Variants in PPP4R3A observed in about 807,000 individuals in gnomAD.
PPP4R3A encodes the protein serine/threonine-protein phosphatase 4 regulatory subunit 3A.
A neutral mutation model predicts 91.7 loss-of-function variants in PPP4R3A; 15 were observed. That is an observed-to-expected ratio of 0.16 (90% CI 0.11 to 0.25). The LOEUF is 0.25. Among genes scored for constraint, PPP4R3A ranks in the 10% least tolerant of loss-of-function variants. The pLI, the probability that PPP4R3A is intolerant of heterozygous loss-of-function variation, is 1.00. For synonymous variants in PPP4R3A, 377 were observed against 348.7 expected, an observed-to-expected ratio of 1.08 and a Z score of -0.91; for missense variants, 623 against 998.4, an observed-to-expected ratio of 0.62 and a Z score of 5.07.
chr14:91,471,313 A>G (rs1464125118), intron 9 of PPP4R3A, among the ~76,000 whole-genome samples: 1 of 152,178 alleles, frequency 6.6e-6, no homozygotes, highest in East Asian at 1.9e-4. Flanking sequence ...TCCAAAATTC[A>G]AGGACCCTCT....
intron 1 of PPP4R3A, among the ~76,000 whole-genome samples, chr14:91,503,966 C>T (rs533682511): frequency 1.6e-4 from 25 of 152,044 alleles, no homozygotes; most frequent in African/African-American, 5.5e-4. Flanking sequence ...GGGCCAGGTG[C>T]GGTGTAATCC....
intron 14 of PPP4R3A, 28 bp downstream of exon 14, chr14:91,461,353 G>A (rs763174923): frequency 3.8e-6 from 6 of 1,582,978 alleles, no homozygotes; most frequent in Non-Finnish European, 4.3e-6. Context: ...TGGGAAAAAA[G>A]GGGGCAAAAT....
chr14:91,499,773 A>AT (rs548344861), intron 1 of PPP4R3A, among the ~76,000 whole-genome samples: 213 of 150,204 alleles, frequency 1.4e-3, no homozygotes, highest in Middle Eastern at 3.5e-3. Flanking sequence ...GTGAGCCGAG[A>AT]TCGCACCACT....
At chr14:91,502,975 ATTTC>A (rs1891054369) in intron 1 of PPP4R3A, among the ~76,000 whole-genome samples, 4 of 152,256 alleles carry the variant, frequency 2.6e-5, no homozygotes, top group South Asian at 2.1e-4. Flanking sequence ...ACTCCCTTAC[ATTTC>A]TTTCTTTTTT....
rs765603708 is a variant in PPP4R3A at position 91,465,433 on chromosome 14, G to A, written c.1661-14C>T. The A allele has an allele frequency of 1.9e-6, 3 of 1,563,128 alleles. No homozygotes were observed. The highest frequency in any genetic ancestry group is 2.6e-6 in the Non-Finnish European group (3 of 1,160,276). ...AACGAAGGGCACCTGAAACACAGAG[G>A]CATGGTTGTTTAAATCACATACCAC... On this transcript the variant is annotated splice_polypyrimidine_tract_variant and intron_variant, in intron 10 of 14. Transcript: ENST00000554943.
rs773794186 is a variant in PPP4R3A, at chr14:91,458,625, GAAGTC to G, written c.*129_*133del. ...CCATTGAATTGGCACTTGATGAGCA[GAAGTC>G]AAGTGTAAGAGGCTGATCTGTGTCA... On this transcript the variant is annotated 3_prime_UTR_variant, in exon 15 of 15. Coordinates refer to ENST00000554943, the MANE Select transcript of PPP4R3A (RefSeq NM_001366432.2). 2.3e-6 allele frequency: 3 copies of G among 1,282,050 alleles called. No homozygotes were observed. Among genetic ancestry groups the G allele is most frequent in the East Asian group, 2.3e-5 (1 of 43,222 alleles). 79.4% of individuals were successfully genotyped at this position (1,282,050 alleles called of 1,614,324 possible).
At chr14:91,492,100 A>T (rs1288771088) in intron 1 of PPP4R3A, among the ~76,000 whole-genome samples, 3 of 152,234 alleles carry the variant, frequency 2.0e-5, no homozygotes, top group Non-Finnish European at 4.4e-5. Context: ...TAATTTATGG[A>T]CAGCAGAAGG....
At chr14:91,503,243 G>A (rs1393298552) in intron 1 of PPP4R3A, among the ~76,000 whole-genome samples, 1 of 151,902 alleles carries the variant, frequency 6.6e-6, no homozygotes, top group African/African-American at 2.4e-5. Flanking sequence ...CCCCACCTTG[G>A]CTTCCCAAAG....
At position 91,462,066 on chromosome 14, in the gene PPP4R3A, A is replaced by T. The variant is rs758888383; in HGVS notation, c.2147T>A (p.Phe716Tyr). Residue 716 changes from phenylalanine to tyrosine, a missense_variant, in exon 13 of 15, where the codon TTC becomes TAC. Transcript: ENST00000554943. ...DDDIMDPISK[F>Y]MERKKLKESE... Reference sequence around the variant, plus strand: ...CAACATACATTTCTTCCTTTCCATGAATTTACTTATTGGATCCATAATATC... The same window carrying T: ...CAACATACATTTCTTCCTTTCCATGTATTTACTTATTGGATCCATAATATC... The T allele has an allele frequency of 1.3e-6, 2 of 1,517,438 alleles. No individual in the cohort carries two copies. Among genetic ancestry groups the T allele is most frequent in the South Asian group, 2.6e-5 (2 of 76,976 alleles). The allele number at this position is 1,517,438 out of a possible 1,614,324, so 94.0% of individuals were successfully genotyped here. A position where few individuals can be genotyped will look rare whatever the true frequency, so the allele number is the denominator to read the frequency against.
Position 91,460,050 on chromosome 14 carries a change from C to T in PPP4R3A, c.2392-1181G>A, listed in dbSNP as rs568775157. ...TTTTTGAGATGGAGTCTCACTCTGT[C>T]GCCCAGGCTGGAGTGCAGTGGCGCC... is the stretch of plus-strand genomic sequence containing the variant. On this transcript the variant is annotated intron_variant, in intron 14 of 14. Coordinates refer to ENST00000554943, the MANE Select transcript of PPP4R3A (RefSeq NM_001366432.2). 3.3e-5 allele frequency among the ~76,000 whole-genome samples: 5 copies of T among 151,994 alleles called. No homozygotes were observed. In the East Asian group the frequency reaches 5.9e-4, roughly 18 times the overall value.
Position 91,458,172 on chromosome 14 carries a change from G to GAAGT in PPP4R3A, c.*583_*586dup, listed in dbSNP as rs1011184479. The GAAGT allele has an allele frequency of 3.3e-5, 5 of 153,068 alleles. No homozygotes were observed. The highest frequency in any genetic ancestry group is 1.2e-4 in the African/African-American group (5 of 41,278). The allele number at this position is 153,068 out of a possible 1,614,324, so 9.5% of individuals were successfully genotyped here. On this transcript the variant is annotated 3_prime_UTR_variant, in exon 15 of 15. Transcript: ENST00000554943. ...CACTCAATCTTTAATCAAGTAGGGA[G>GAAGT]AAGTCCCCACTTAAAAAAAAAAATA...
chr14:91,485,601 A>G, intron 3 of PPP4R3A, 31 bp downstream of exon 3: 1 of 1,483,612 alleles, frequency 6.7e-7, no homozygotes, highest in Non-Finnish European at 9.3e-7. Flanking sequence ...ACTTAAAGAA[A>G]GCATGTTGAT....
Position 91,481,956 on chromosome 14 carries a change from C to T in PPP4R3A, c.535G>A (p.Val179Met), listed in dbSNP as rs1158064030. 1 of 1,613,874 alleles carries T rather than the reference C, an allele frequency of 6.2e-7. No homozygotes were observed. Among genetic ancestry groups the T allele is most frequent in the Non-Finnish European group, 8.5e-7 (1 of 1,179,988 alleles). Residue 179 changes from valine to methionine, a missense_variant, in exon 4 of 15, where the codon GTG becomes ATG. Val to Met is a conservative substitution (Grantham distance 21). Around this residue, in one of 5 missense-constraint regions of PPP4R3A, gnomAD observed 264 missense variants for 377.3 expected, o/e 0.70. Coordinates refer to ENST00000554943, the MANE Select transcript of PPP4R3A (RefSeq NM_001366432.2). The part of the protein sequence containing the change: ...YIKKLLELFH[V>M]CEDLENIEGL... ...TCAATATTTTCCAAATCTTCACACA[C>T]ATGAAAAAGCTCCAGGAGCTTTTTA... is the stretch of plus-strand genomic sequence containing the variant.
intron 2 of PPP4R3A, among the ~76,000 whole-genome samples, chr14:91,490,149 CGT>C (rs1287507655): frequency 6.6e-6 from 1 of 152,230 alleles, no homozygotes; most frequent in East Asian, 1.9e-4. Context: ...AGCGCACGCG[CGT>C]GTGTACTGAA....
chr14:91,470,649 A>G (rs772931834), intron 10 of PPP4R3A, among the ~76,000 whole-genome samples, 188 bp downstream of exon 10: 8 of 152,204 alleles, frequency 5.3e-5, no homozygotes, highest in Non-Finnish European at 1.0e-4. Context: ...CCCTTACTGT[A>G]TATTAAGTAA....
intron 4 of PPP4R3A, among the ~76,000 whole-genome samples, chr14:91,479,147 T>A (rs1159118642): frequency 6.6e-6 from 1 of 152,050 alleles, no homozygotes; most frequent in Non-Finnish European, 1.5e-5. Context: ...CACGCCTGGC[T>A]AATTTTTGTA....
chr14:91,458,940 G>A (rs940459812), intron 14 of PPP4R3A, 71 bp from the exon 15 acceptor site: 1 of 1,486,210 alleles, frequency 6.7e-7, no homozygotes, highest in Non-Finnish European at 9.0e-7. Flanking sequence ...TTTCTGGCTG[G>A]AGAAAGAAAA....
At chr14:91,496,292 T>C (rs1244061568) in intron 1 of PPP4R3A, among the ~76,000 whole-genome samples, 2 of 152,216 alleles carry the variant, frequency 1.3e-5, no homozygotes, top group African/African-American at 2.4e-5. Flanking sequence ...TTTTGATGTA[T>C]TATACTGCAA....
Position 91,462,820 on chromosome 14 carries a change from C to T in PPP4R3A, c.1888G>A (p.Asp630Asn), listed in dbSNP as rs757704936. The change falls in exon 12 of 15, where the codon GAT (aspartate) becomes AAT (asparagine). Residue 630 changes from aspartate to asparagine, a missense_variant. Asp to Asn is a conservative substitution (Grantham distance 23). Coordinates refer to ENST00000554943, the MANE Select transcript of PPP4R3A (RefSeq NM_001366432.2). ...TTAAATGTCTGTACATAATCTACAT[C>T]TTCCAGTGCTTTCCAGTAATTTTCA... The part of the protein sequence containing the change: ...VIENYWKALE[D>N]VDYVQTFKGL... The T allele has an allele frequency of 9.3e-6, 15 of 1,610,048 alleles. No homozygotes were observed. In the East Asian group the frequency reaches 3.3e-4, roughly 36 times the overall value.
Sources: allele counts gnomAD v4.1 joint callset (sites outside exome capture counted in the v4.1 genomes callset), GRCh38; gene constraint gnomAD v4.1.1; regional missense constraint gnomAD v4.1.1; transcripts MANE v1.5; gene names NCBI Gene and HGNC (gene_info 2026-07-23, HGNC 2026-07-21).